The following BCLAF3 variants were observed in gnomAD, a reference collection of about 807,000 sequenced individuals.
The protein encoded by BCLAF3 is transient octamer binding factor 1.
Under a neutral mutation model 51.2 loss-of-function variants are expected in BCLAF3, and 24 were observed. The ratio of observed to expected loss-of-function variants is 0.47; its 90% CI spans 0.34 to 0.66. The LOEUF is 0.66. BCLAF3 is among the 30% of genes least tolerant of loss of function. The probability of loss-of-function intolerance (pLI) is 0.01; values close to 1 mark genes in which losing one functional copy is unlikely to be tolerated. For synonymous variants in BCLAF3, 152 were observed against 176.6 expected (o/e 0.86, Z 1.10); for missense variants, 465 against 525.1 (o/e 0.89, Z 1.12).
chrX:19,931,577 C>T (rs982749254), intron 10 of BCLAF3, among the ~76,000 whole-genome samples: 7 of 111,806 alleles, frequency 6.3e-5, no homozygotes, highest in African/African-American at 2.3e-4. Context: ...CTGGGCTGAA[C>T]GAAACTTTTA....
At chrX:19,937,890 A>C (rs951428120) in intron 8 of BCLAF3, among the ~76,000 whole-genome samples, 1 of 111,871 alleles carries the variant, frequency 8.9e-6, no homozygotes, top group African/African-American at 3.3e-5. Context: ...CTTTGGCAGC[A>C]CTGCCCCCCT....
At chrX:19,919,180 T>C (rs1237548638) in intron 11 of BCLAF3, among the ~76,000 whole-genome samples, 1 of 111,872 alleles carries the variant, frequency 8.9e-6, no homozygotes, top group Non-Finnish European at 1.9e-5. Context: ...TTCTATGTCT[T>C]GCTCTTCTCC....
At position 19,966,614 on chromosome X, in the gene BCLAF3, T is replaced by C. The variant is rs1235912116; in HGVS notation, c.77A>G (p.Tyr26Cys). The C allele has an allele frequency of 8.3e-7, 1 of 1,210,898 alleles. No homozygotes were observed. Among genetic ancestry groups the C allele is most frequent in the East Asian group, 3.0e-5 (1 of 33,826 alleles). ...LSPVPRNAEH[Y>C]KQRHSHGHYG... Reference sequence around the variant, plus strand: ...ATGCCCGTGTGAATGTCTTTGCTTGTAGTGTTCAGCATTTCTAGGTACTGG... The same window carrying C: ...ATGCCCGTGTGAATGTCTTTGCTTGCAGTGTTCAGCATTTCTAGGTACTGG... The change falls in exon 3 of 12, where the codon TAC (tyrosine) becomes TGC (cysteine). Residue 26 changes from tyrosine to cysteine, a missense_variant. Tyr to Cys is a radical substitution (Grantham distance 194, BLOSUM62 -2). Transcript: ENST00000379682.
At chrX:19,966,690 A>G in intron 2 of BCLAF3, 41 bp from the exon 3 acceptor site, 1 of 1,108,261 alleles carries the variant, frequency 9.0e-7, no homozygotes, top group Non-Finnish European at 1.2e-6. Context: ...CATTTAATCA[A>G]CTAAGCGTGT....
At chrX:19,953,443 T>C (rs760146189) in intron 6 of BCLAF3, among the ~76,000 whole-genome samples, 4 of 112,025 alleles carry the variant, frequency 3.6e-5, no homozygotes, top group Non-Finnish European at 7.5e-5. Context: ...CAACATATGA[T>C]TTCGATGGCT....
At chrX:19,928,891 CAG>C (rs1452586687) in intron 11 of BCLAF3, 1 of 111,093 alleles carries the variant, frequency 9.0e-6, no homozygotes, top group Non-Finnish European at 1.9e-5. Flanking sequence ...CTTACAGAAA[CAG>C]AGTAAAATGG....
At chrX:19,978,061 A>C (rs939772348) in intron 1 of BCLAF3, among the ~76,000 whole-genome samples, 1 of 112,004 alleles carries the variant, frequency 8.9e-6, no homozygotes, top group Non-Finnish European at 1.9e-5. Flanking sequence ...GCTCATTGAC[A>C]ATGCACCTGG....
At chrX:19,919,308 C>A (rs1172391079) in intron 11 of BCLAF3, among the ~76,000 whole-genome samples, 1 of 112,136 alleles carries the variant, frequency 8.9e-6, no homozygotes, top group Non-Finnish European at 1.9e-5. Flanking sequence ...CATTAACCAT[C>A]TGTGAAGTTA....
At chrX:19,973,932 T>C (rs2072333497) in intron 1 of BCLAF3, among the ~76,000 whole-genome samples, 1 of 111,664 alleles carries the variant, frequency 9.0e-6, no homozygotes, top group Admixed American at 9.5e-5. Flanking sequence ...AGGCCAAAAA[T>C]GTTTAAGTTG....
chrX:19,975,479 G>T (rs1237422273), intron 1 of BCLAF3, among the ~76,000 whole-genome samples: 3 of 110,239 alleles, frequency 2.7e-5, no homozygotes. Context: ...AAGTAGCTGG[G>T]ACTACAGGTG....
At chrX:19,935,297 C>T (rs1422738620) in intron 10 of BCLAF3, 1 of 111,782 alleles carries the variant, frequency 8.9e-6, no homozygotes, top group African/African-American at 3.3e-5. Flanking sequence ...AATTATCATT[C>T]ATATCAGATA....
Position 19,938,598 on chromosome X carries a change from T to C in BCLAF3, c.1746-1066A>G, listed in dbSNP as rs141827126. 5.1e-3 allele frequency among the ~76,000 whole-genome samples: 578 copies of C among 112,440 alleles called. 2 individuals carry two copies. Among genetic ancestry groups the C allele is most frequent in the Middle Eastern group, 9.3e-3 (2 of 216 alleles). On this transcript the variant is annotated intron_variant, in intron 8 of 11. Transcript: ENST00000379682. Reference sequence around the variant, plus strand: ...TTTTAGTAGACACGGGGTTTCACCATGTTGGCCAGCCTGGTCTTGAACTCC... The same window carrying C: ...TTTTAGTAGACACGGGGTTTCACCACGTTGGCCAGCCTGGTCTTGAACTCC...
intron 1 of BCLAF3, among the ~76,000 whole-genome samples, chrX:19,982,549 TCACACACACACACACACA>T (rs60433883): frequency 1.0e-5 from 1 of 97,172 alleles, no homozygotes; most frequent in Non-Finnish European, 2.1e-5. Context: ...AGATGCAATT[TCACACACACACACACACA>T]CACACACACA....
At position 19,990,736 on chromosome X, in the gene BCLAF3, G is replaced by A. The variant is rs1323571708; in HGVS notation, c.-35+172C>T. On this transcript the variant is annotated intron_variant, in intron 1 of 11. Transcript: ENST00000379682. ...GTCGCCGCGCCCAAGGGAAGGCGCT[G>A]ACCGAGGGACCTACGGGGCGCAGAG... Among the ~76,000 whole-genome samples, 5 of 112,497 alleles carry A rather than the reference G, an allele frequency of 4.4e-5. No individual in the cohort carries two copies. In the East Asian group the frequency reaches 1.4e-3, roughly 32 times the overall value.
chrX:19,982,239 T>TA (rs1408001486), intron 1 of BCLAF3, among the ~76,000 whole-genome samples: 2 of 110,910 alleles, frequency 1.8e-5, no homozygotes, highest in Non-Finnish European at 3.8e-5. Flanking sequence ...GCCCAGAAGT[T>TA]AGAGACCAGC....
chrX:19,934,924 G>A (rs1485415457), intron 10 of BCLAF3, among the ~76,000 whole-genome samples: 2 of 112,145 alleles, frequency 1.8e-5, no homozygotes, highest in Non-Finnish European at 3.8e-5. Flanking sequence ...AGTGGCTCAA[G>A]CCTGTAATCC....
chrX:19,929,744 A>G (rs1262534186), intron 11 of BCLAF3, 41 bp downstream of exon 11: 2 of 1,143,104 alleles, frequency 1.7e-6, no homozygotes, highest in Admixed American at 2.6e-5. Flanking sequence ...TAGGAGTTTA[A>G]AAGTCACTAA....
intron 1 of BCLAF3, among the ~76,000 whole-genome samples, chrX:19,971,700 T>C (rs1743597853): frequency 8.9e-6 from 1 of 111,932 alleles, no homozygotes; most frequent in Non-Finnish European, 1.9e-5. Flanking sequence ...CCTAACTTAG[T>C]GGTCCCAAAC....
chrX:19,939,465 A>G (rs1250761463), intron 8 of BCLAF3, among the ~76,000 whole-genome samples: 1 of 112,118 alleles, frequency 8.9e-6, no homozygotes, highest in Non-Finnish European at 1.9e-5. Flanking sequence ...GGATTTGAAT[A>G]GAAATTTCTC....
Sources: allele counts gnomAD v4.1 joint callset (sites outside exome capture counted in the v4.1 genomes callset), GRCh38; gene constraint gnomAD v4.1.1; transcripts MANE v1.5; gene names NCBI Gene and HGNC (gene_info 2026-07-23, HGNC 2026-07-21).